The following CDK7 variants were observed in gnomAD, a reference collection of about 807,000 sequenced individuals.
The protein encoded by CDK7 is cyclin dependent kinase 7, also known as cyclin-dependent kinase 7.
In CDK7, 25 loss-of-function variants were observed where a neutral mutation model predicts 49.1. The observed-to-expected ratio is 0.51, with a 90% CI of 0.37 to 0.71. The LOEUF (loss-of-function observed/expected upper bound fraction) is 0.71, where lower values mean the gene tolerates loss of function less well. Among genes scored for constraint, CDK7 ranks in the 30% least tolerant of loss-of-function variants. CDK7 has a pLI of 0.00. For missense variants in CDK7, 316 were observed against 411.7 expected (o/e 0.77, Z 2.01); for synonymous variants, 107 against 140.0 (o/e 0.76, Z 1.67).
chr5:69,237,889 G>C (rs1264708890), intron 2 of CDK7, among the ~76,000 whole-genome samples: 1 of 152,170 alleles, frequency 6.6e-6, no homozygotes, highest in Non-Finnish European at 1.5e-5. Flanking sequence ...TTACACGTGT[G>C]AGTCACTATG....
chr5:69,269,293 G>A lies in CDK7; in HGVS notation c.714G>A (p.Pro238=), dbSNP rs111845256. Residue 238 remains proline, a splice_region_variant and synonymous_variant, in exon 9 of 12, where the codon CCG becomes CCA. Coordinates refer to ENST00000256443, the MANE Select transcript of CDK7 (RefSeq NM_001799.4). ...GCACACCAACTGAGGAACAGTGGCC[G>A]GTAAGCCTTTATGCATTTTCTTTGA... ...TLGTPTEEQW[P]DMCSLPDYVT... The A allele has an allele frequency of 1.0e-5, 16 of 1,600,816 alleles. No individual in the cohort carries two copies. Among genetic ancestry groups the A allele is most frequent in the South Asian group, 3.4e-5 (3 of 89,074 alleles).
chr5:69,235,183 G>A, intron 1 of CDK7, 142 bp downstream of exon 1: 2 of 825,628 alleles, frequency 2.4e-6, no homozygotes, highest in Non-Finnish European at 4.0e-6. Flanking sequence ...CGCACTTGCT[G>A]CCCATTCTTT....
At chr5:69,270,358 T>C (rs541409052) in intron 9 of CDK7, among the ~76,000 whole-genome samples, 49 of 152,160 alleles carry the variant, frequency 3.2e-4, no homozygotes, top group Admixed American at 1.2e-3. Context: ...GGTAGGAGGA[T>C]TGCTTGAGCC....
At chr5:69,274,554 G>C (rs562963377) in intron 10 of CDK7, among the ~76,000 whole-genome samples, 2 of 152,306 alleles carry the variant, frequency 1.3e-5, no homozygotes, top group South Asian at 2.1e-4. Context: ...TGGGAGTGGT[G>C]AGGAATGCTT....
chr5:69,251,795 A>C (rs759045755), intron 2 of CDK7, among the ~76,000 whole-genome samples: 9 of 152,202 alleles, frequency 5.9e-5, no homozygotes, highest in African/African-American at 2.2e-4. Flanking sequence ...GGCCTGTCAA[A>C]GTGTTGGAAT....
chr5:69,253,511 C>T (rs1344346390), intron 3 of CDK7, among the ~76,000 whole-genome samples: 1 of 152,134 alleles, frequency 6.6e-6, no homozygotes, highest in Non-Finnish European at 1.5e-5. Flanking sequence ...AGTGATCTGC[C>T]CACCTAGGCC....
chr5:69,273,615 C>T (rs1751794246), intron 10 of CDK7, among the ~76,000 whole-genome samples: 1 of 152,022 alleles, frequency 6.6e-6, no homozygotes, highest in South Asian at 2.1e-4. Flanking sequence ...AAGGAAATAA[C>T]AAACTCATGA....
chr5:69,265,946 G>T (rs1230568727), intron 8 of CDK7, among the ~76,000 whole-genome samples: 1 of 152,008 alleles, frequency 6.6e-6, no homozygotes, highest in African/African-American at 2.4e-5. Flanking sequence ...AAATTAGCCA[G>T]ACTTGGTAGT....
chr5:69,265,918 A>C (rs989453031), intron 8 of CDK7, among the ~76,000 whole-genome samples: 1 of 151,242 alleles, frequency 6.6e-6, no homozygotes, highest in African/African-American at 2.4e-5. Context: ...TAAAAAAAAA[A>C]GAAAAAAAGA....
chr5:69,238,533 C>T (rs1277624784), intron 2 of CDK7, among the ~76,000 whole-genome samples: 8 of 152,088 alleles, frequency 5.3e-5, no homozygotes, highest in African/African-American at 1.7e-4. Flanking sequence ...GTGAACCTTC[C>T]ACCTTAGCCT....
At position 69,269,223 on chromosome 5, in the gene CDK7, G is replaced by A; in HGVS notation, c.644G>A (p.Gly215Glu). The stretch of plus-strand genomic sequence containing the variant: ...TTCTTTCAGGTTCCTTTTTTGCCAG[G>A]AGATTCAGACCTTGATCAGCTAACA... The part of the protein sequence containing the change: ...ELLLRVPFLP[G>E]DSDLDQLTRI... Residue 215 changes from glycine to glutamate, a missense_variant, in exon 9 of 12, where the codon GGA (glycine) becomes GAA (glutamate). Coordinates refer to ENST00000256443, the MANE Select transcript of CDK7 (RefSeq NM_001799.4). 1 of 1,601,430 alleles carries A rather than the reference G, an allele frequency of 6.2e-7. No individual in the cohort carries two copies.
At chr5:69,237,018 A>G (rs1340141678) in intron 2 of CDK7, among the ~76,000 whole-genome samples, 1 of 47,240 alleles carries the variant, frequency 2.1e-5, no homozygotes, top group Admixed American at 2.7e-4. Context: ...TTTCTGGTTT[A>G]TGTTTTATGA....
chr5:69,270,166 T>C (rs1751439914), intron 9 of CDK7, among the ~76,000 whole-genome samples: 1 of 152,036 alleles, frequency 6.6e-6, no homozygotes, highest in African/African-American at 2.4e-5. Context: ...CTGGGCACAA[T>C]GGCTCACGCC....
At chr5:69,238,880 G>A (rs571583217) in intron 2 of CDK7, among the ~76,000 whole-genome samples, 9 of 151,972 alleles carry the variant, frequency 5.9e-5, no homozygotes, top group East Asian at 1.9e-4. Flanking sequence ...GTTATTCTGA[G>A]TCAACATTAT....
Position 69,270,867 on chromosome 5 carries a change from C to T in CDK7, c.714+1574C>T, listed in dbSNP as rs1435363319. Among the ~76,000 whole-genome samples the T allele has an allele frequency of 3.3e-5, 5 of 152,158 alleles. No homozygotes were observed. The East Asian group carries it at 7.7e-4, about 23-fold the overall frequency. On this transcript the variant is annotated intron_variant, in intron 9 of 11. Transcript: ENST00000256443. ...ATTTCAGTTTCTTCAACCGTTCACC[C>T]ATTGAAGGACATCTATATTTGTGTT... is the stretch of plus-strand genomic sequence containing the variant.
At chr5:69,250,681 C>A in intron 2 of CDK7, 1 of 456,282 alleles carries the variant, frequency 2.2e-6, no homozygotes, top group South Asian at 1.5e-5. Context: ...CCAGGGCAAC[C>A]AAGCTGGTCC....
At chr5:69,264,978 A>G (rs1394978605) in intron 8 of CDK7, among the ~76,000 whole-genome samples, 1 of 151,702 alleles carries the variant, frequency 6.6e-6, no homozygotes, top group Non-Finnish European at 1.5e-5. Flanking sequence ...TCTAAAAAAA[A>G]AAAGGCCAGG....
chr5:69,236,687 T>C (rs188764166), intron 2 of CDK7, among the ~76,000 whole-genome samples: 15 of 152,000 alleles, frequency 9.9e-5, no homozygotes, highest in African/African-American at 3.6e-4. Context: ...GAATTTTGCT[T>C]GTTGCCCAGG....
intron 8 of CDK7, among the ~76,000 whole-genome samples, chr5:69,263,993 T>A (rs965802015): frequency 6.6e-6 from 1 of 152,248 alleles, no homozygotes; most frequent in African/African-American, 2.4e-5. Flanking sequence ...TTGTCCTATT[T>A]TAAGCTGTTC....
Sources: gnomAD v4.1 joint callset for allele counts (sites outside exome capture counted in the v4.1 genomes callset) on GRCh38, gnomAD v4.1.1 for gene constraint, MANE v1.5 for transcripts, NCBI Gene and HGNC (gene_info 2026-07-23, HGNC 2026-07-21) for gene names.